The following CHM variants were observed in gnomAD, a reference collection of about 807,000 sequenced individuals.
CHM encodes CHM Rab escort protein, also known as rab proteins geranylgeranyltransferase component A 1.
Under a neutral mutation model 49.0 loss-of-function variants are expected in CHM, and 10 were observed. That is an observed-to-expected ratio of 0.20 (90% CI 0.13 to 0.35). The LOEUF (loss-of-function observed/expected upper bound fraction) is 0.35, where lower values mean the gene tolerates loss of function less well. CHM is among the 10% of genes least tolerant of loss of function. The pLI, the probability that CHM is intolerant of heterozygous loss-of-function variation, is 1.00. For missense variants in CHM, 455 were observed against 478.4 expected (o/e 0.95, Z 0.46); for synonymous variants, 184 against 167.5 (o/e 1.10, Z -0.76).
chrX:85,887,932 G>C (rs962672718), intron 12 of CHM, among the ~76,000 whole-genome samples: 1 of 111,785 alleles, frequency 8.9e-6, no homozygotes, highest in Non-Finnish European at 1.9e-5. Context: ...AAAGGCATCC[G>C]GTTTTGAAAG....
intron 2 of CHM, among the ~76,000 whole-genome samples, chrX:86,008,167 A>G (rs962702691): frequency 8.9e-6 from 1 of 111,962 alleles, no homozygotes; most frequent in African/African-American, 3.3e-5. Flanking sequence ...ACAGAAAACC[A>G]AACATGACAT....
chrX:85,896,730 G>C (rs758095736), intron 11 of CHM, among the ~76,000 whole-genome samples: 17 of 105,408 alleles, frequency 1.6e-4, no homozygotes, highest in Non-Finnish European at 3.3e-4. Context: ...AGGAACAAGA[G>C]CCCACTAAAG....
intron 2 of CHM, among the ~76,000 whole-genome samples, chrX:85,988,807 C>A (rs1281708584): frequency 9.0e-6 from 1 of 111,534 alleles, no homozygotes; most frequent in Non-Finnish European, 1.9e-5. Context: ...AGTAAAAGTT[C>A]TCTACAATAA....
At chrX:85,905,457 ACAGAGACAATTTTTGAAGATTCAGG>A (rs1230352368) in intron 9 of CHM, among the ~76,000 whole-genome samples, 1 of 111,819 alleles carries the variant, frequency 8.9e-6, no homozygotes, top group Admixed American at 9.6e-5. Flanking sequence ...CAAGATTCAG[ACAGAGACAATTTTTGAAGATTCAGG>A]CAGAGACAAT....
At chrX:85,894,375 A>G (rs1925683273) in intron 11 of CHM, 91 bp from the exon 12 acceptor site, 1 of 641,563 alleles carries the variant, frequency 1.6e-6, no homozygotes, top group Non-Finnish European at 2.5e-6. Flanking sequence ...TAAACTGAGT[A>G]TCTTTTTCAA....
intron 1 of CHM, among the ~76,000 whole-genome samples, chrX:86,041,245 G>A (rs886658803): frequency 3.6e-5 from 4 of 111,442 alleles, no homozygotes; most frequent in Admixed American, 1.9e-4. Flanking sequence ...CTGAGGTATT[G>A]GCTCAAATTC....
At chrX:85,946,998 G>C (rs1404414222) in intron 8 of CHM, among the ~76,000 whole-genome samples, 2 of 112,410 alleles carry the variant, frequency 1.8e-5, no homozygotes, top group African/African-American at 6.5e-5. Context: ...GAATGGAAAT[G>C]TTTACCCAAT....
chrX:85,911,404 C>A, intron 8 of CHM, 66 bp from the exon 9 acceptor site: 1 of 532,974 alleles, frequency 1.9e-6, no homozygotes, highest in Non-Finnish European at 3.0e-6. Flanking sequence ...AAAGTATTTT[C>A]TTTTAAGTAT....
rs753514649 is a variant in CHM at position 85,956,380 on chromosome X, T to TA, written c.941-3dup. The TA allele has an allele frequency of 2.0e-5, 24 of 1,202,460 alleles. No homozygotes were observed. The South Asian group carries it at 3.8e-4, about 19-fold the overall frequency. ...CATAAAATGTGATCTCTTCATATCC[T>TA]ATGAAAAGATGAAATTTTATCACTT... is the stretch of plus-strand genomic sequence containing the variant. On this transcript the variant is annotated splice_region_variant and splice_polypyrimidine_tract_variant and intron_variant, in intron 7 of 14. Coordinates refer to ENST00000357749, the MANE Select transcript of CHM (RefSeq NM_000390.4).
chrX:85,875,032 C>G (rs901991104), intron 13 of CHM, among the ~76,000 whole-genome samples: 5 of 111,225 alleles, frequency 4.5e-5, no homozygotes, highest in African/African-American at 1.6e-4. Flanking sequence ...CTCAAAGGAA[C>G]ACTTCACTTA....
rs187687105 is a variant in CHM, at chrX:85,951,587, T to G, written c.1166+4566A>C. On this transcript the variant is annotated intron_variant, in intron 8 of 14. Coordinates refer to ENST00000357749, the MANE Select transcript of CHM (RefSeq NM_000390.4). Reference sequence around the variant, plus strand: ...AAAAAAGATCACTAATCAGAATATATTTTAAAACTCCTACAAATCAATAAG... The same window carrying G: ...AAAAAAGATCACTAATCAGAATATAGTTTAAAACTCCTACAAATCAATAAG... Among the ~76,000 whole-genome samples the G allele has an allele frequency of 5.7e-3, 644 of 112,028 alleles. 4 individuals are homozygous for G. The highest frequency in any genetic ancestry group is 0.02 in the African/African-American group (623 of 30,845).
In CHM at chrX:85,897,337, G is replaced by GTGTGTGTC. The variant is rs1297755663; in HGVS notation, c.1414-3061_1414-3054dup. ...TGTGTGTGTGTGTGTGTGTGTGTGT[G>GTGTGTGTC]TGTGTGTCTGTGTCTGTTTAAAAAA... is the stretch of plus-strand genomic sequence containing the variant. On this transcript the variant is annotated intron_variant, in intron 11 of 14. Transcript: ENST00000357749. Among the ~76,000 whole-genome samples, 4 of 103,698 alleles carry GTGTGTGTC rather than the reference G, an allele frequency of 3.9e-5. No homozygotes were observed. In the East Asian group the frequency reaches 1.2e-3, roughly 31 times the overall value. The allele number at this position is 103,698 out of a possible 115,157, so 90.0% of individuals were successfully genotyped here.
chrX:86,030,923 C>T (rs945569608), intron 1 of CHM, among the ~76,000 whole-genome samples: 55 of 110,511 alleles, frequency 5.0e-4, no homozygotes, highest in African/African-American at 1.6e-3. Context: ...TGGATCAGTA[C>T]TTCATTACTT....
intron 8 of CHM, among the ~76,000 whole-genome samples, chrX:85,945,862 T>C (rs1929379447): frequency 8.9e-6 from 1 of 111,807 alleles, no homozygotes; most frequent in African/African-American, 3.3e-5. Flanking sequence ...CTGACAGTTA[T>C]ATGGACAATG....
At chrX:86,029,054 G>A (rs1218337902) in intron 1 of CHM, among the ~76,000 whole-genome samples, 4 of 112,114 alleles carry the variant, frequency 3.6e-5, no homozygotes, top group South Asian at 3.6e-4. Flanking sequence ...TTCCAGTGTT[G>A]AACATTTTGT....
intron 2 of CHM, among the ~76,000 whole-genome samples, chrX:86,007,120 T>A (rs1361364159): frequency 9.0e-6 from 1 of 111,695 alleles, no homozygotes; most frequent in Non-Finnish European, 1.9e-5. Flanking sequence ...TCTACAACTA[T>A]CTGATCTTTG....
chrX:85,894,354 C>T (rs1383014472), intron 11 of CHM, 70 bp from the exon 12 acceptor site: 5 of 759,825 alleles, frequency 6.6e-6, no homozygotes, highest in East Asian at 6.4e-5. Flanking sequence ...CATTAAAATG[C>T]TGTTAACTTC....
chrX:85,934,464 C>T (rs1338672209), intron 8 of CHM, among the ~76,000 whole-genome samples: 2 of 83,512 alleles, frequency 2.4e-5, no homozygotes, highest in Non-Finnish European at 4.5e-5. Context: ...TGATGTTCCC[C>T]ATCCTGTGTC....
In CHM at chrX:85,901,144, T is replaced by C; in HGVS notation, c.1289A>G (p.Glu430Gly). 2.5e-6 allele frequency: 3 copies of C among 1,202,362 alleles called. No individual in the cohort carries two copies. Among genetic ancestry groups the C allele is most frequent in the Non-Finnish European group, 3.4e-6 (3 of 889,445 alleles). ...IDQFGQRIIS[E>G]HFLVEDSYFP... ...GTAACTGTCCTCCACGAGGAAATGC[T>C]CAGAGATTATTCTCTGACCAAACTG... The change falls in exon 10 of 15, where the codon GAG (glutamate) becomes GGG (glycine). Residue 430 changes from glutamate to glycine, a missense_variant. Transcript: ENST00000357749.
Sources: gnomAD v4.1 joint callset for allele counts (sites outside exome capture counted in the v4.1 genomes callset) on GRCh38, gnomAD v4.1.1 for gene constraint, MANE v1.5 for transcripts, NCBI Gene and HGNC (gene_info 2026-07-23, HGNC 2026-07-21) for gene names.